The following ADCY2 variants were observed in gnomAD, a reference collection of about 807,000 sequenced individuals.
The protein encoded by ADCY2 is adenylate cyclase type 2.
Under a neutral mutation model 125.2 loss-of-function variants are expected in ADCY2, and 31 were observed. That is an observed-to-expected ratio of 0.25 (90% CI 0.19 to 0.33). The LOEUF is 0.33. ADCY2 is among the 10% of genes least tolerant of loss of function. The probability of loss-of-function intolerance (pLI) is 1.00; values close to 1 mark genes in which losing one functional copy is unlikely to be tolerated. For synonymous variants in ADCY2, 512 were observed against 548.4 expected, an observed-to-expected ratio of 0.93 and a Z score of 0.93; for missense variants, 904 against 1,418.2, an observed-to-expected ratio of 0.64 and a Z score of 5.82.
In ADCY2 at chr5:7,396,823, C is replaced by T. The variant is rs1450572247; in HGVS notation, c.210+317C>T. 6.6e-6 allele frequency among the ~76,000 whole-genome samples: 1 copy of T among 152,198 alleles called. No individual in the cohort carries two copies. Among genetic ancestry groups the T allele is most frequent in the Non-Finnish European group, 1.5e-5 (1 of 68,034 alleles). Reference sequence around the variant, plus strand: ...CACCCGCTGGCAAACTCTGCGCTTTCCGCCGGGCACCGCTGCCCGCAGCGC... The same window carrying T: ...CACCCGCTGGCAAACTCTGCGCTTTTCGCCGGGCACCGCTGCCCGCAGCGC... On this transcript the variant is annotated intron_variant, in intron 1 of 24. Coordinates refer to ENST00000338316, the MANE Select transcript of ADCY2 (RefSeq NM_020546.3). This position sits in a 1 kb window ranked among gnomAD's most constrained non-coding sequence, Gnocchi z 5.7.
At chr5:7,783,332 G>T (rs1210975417) in intron 18 of ADCY2, among the ~76,000 whole-genome samples, 1 of 152,136 alleles carries the variant, frequency 6.6e-6, no homozygotes, top group Admixed American at 6.5e-5. Context: ...TTAATGTAGT[G>T]GCTAAAACAG....
At chr5:7,449,846 A>C (rs940896520) in intron 2 of ADCY2, among the ~76,000 whole-genome samples, 3 of 152,232 alleles carry the variant, frequency 2.0e-5, no homozygotes, top group Non-Finnish European at 2.9e-5. Flanking sequence ...TCATTGTCAC[A>C]GTATTTGAAA....
intron 22 of ADCY2, among the ~76,000 whole-genome samples, chr5:7,809,437 T>C (rs748390068): frequency 1.3e-5 from 2 of 152,256 alleles, no homozygotes; most frequent in Non-Finnish European, 2.9e-5. Flanking sequence ...AAGAAATGAA[T>C]GTCACTTTTA....
At chr5:7,642,195 G>T (rs760982811) in intron 4 of ADCY2, among the ~76,000 whole-genome samples, 3 of 151,848 alleles carry the variant, frequency 2.0e-5, no homozygotes, top group Non-Finnish European at 2.9e-5. Flanking sequence ...GTGTTTTTTT[G>T]ACTGTTTTAA....
intron 23 of ADCY2, among the ~76,000 whole-genome samples, chr5:7,817,969 T>A (rs1315563726): frequency 6.6e-6 from 1 of 152,244 alleles, no homozygotes; most frequent in Non-Finnish European, 1.5e-5. Flanking sequence ...GTTGTTTTTT[T>A]AAATGTGTGT....
chr5:7,417,054 C>T (rs1449712134), intron 2 of ADCY2, among the ~76,000 whole-genome samples: 5 of 151,994 alleles, frequency 3.3e-5, no homozygotes, highest in African/African-American at 7.2e-5. Context: ...TATTTAAAGC[C>T]TAAGAATTAA....
At chr5:7,467,214 G>C (rs1199079636) in intron 2 of ADCY2, among the ~76,000 whole-genome samples, 1 of 152,130 alleles carries the variant, frequency 6.6e-6, no homozygotes, top group Non-Finnish European at 1.5e-5. Context: ...CAGCTATCTT[G>C]CCTCTTAAAA....
At chr5:7,475,342 G>A (rs1742482889) in intron 2 of ADCY2, among the ~76,000 whole-genome samples, 1 of 152,136 alleles carries the variant, frequency 6.6e-6, no homozygotes, top group Non-Finnish European at 1.5e-5. Flanking sequence ...GAAGTCAGGA[G>A]CAGGGAGAGG....
At chr5:7,708,856 A>C (rs1040362250) in intron 9 of ADCY2, among the ~76,000 whole-genome samples, 4 of 152,212 alleles carry the variant, frequency 2.6e-5, no homozygotes, top group Admixed American at 1.3e-4. Flanking sequence ...GTTTGGGGCT[A>C]TGTAGCATTA....
intron 21 of ADCY2, 99 bp from the exon 22 acceptor site, chr5:7,804,486 G>C: frequency 1.1e-6 from 1 of 927,658 alleles, no homozygotes; most frequent in Admixed American, 1.9e-5. Flanking sequence ...AACAAGTCAC[G>C]GCATTACTGT....
At chr5:7,752,855 G>A (rs968300352) in intron 15 of ADCY2, among the ~76,000 whole-genome samples, 13 of 148,642 alleles carry the variant, frequency 8.7e-5, no homozygotes, top group African/African-American at 3.2e-4. Flanking sequence ...ACACCCCACT[G>A]CTCGTTGTCC....
At chr5:7,606,577 G>A (rs1355070524) in intron 3 of ADCY2, among the ~76,000 whole-genome samples, 6 of 152,026 alleles carry the variant, frequency 3.9e-5, no homozygotes, top group Non-Finnish European at 8.8e-5. Context: ...GCTCTACCCG[G>A]GCACATTCTT....
chr5:7,814,421 C>A (rs1745041656), intron 22 of ADCY2, among the ~76,000 whole-genome samples: 1 of 151,950 alleles, frequency 6.6e-6, no homozygotes. Flanking sequence ...CCCCTGCCGT[C>A]CAGTAGGCAG....
At chr5:7,432,190 C>G (rs945424951) in intron 2 of ADCY2, among the ~76,000 whole-genome samples, 2 of 140,012 alleles carry the variant, frequency 1.4e-5, no homozygotes, top group African/African-American at 5.3e-5. Context: ...GCTCTGTCCC[C>G]TTTCAGCTCC....
intron 3 of ADCY2, among the ~76,000 whole-genome samples, chr5:7,573,103 A>G (rs1736114863): frequency 6.6e-6 from 1 of 152,176 alleles, no homozygotes; most frequent in African/African-American, 2.4e-5. Flanking sequence ...GAGAGGCCCT[A>G]GAAGAAACCA....
At chr5:7,575,153 G>T (rs1052737546) in intron 3 of ADCY2, among the ~76,000 whole-genome samples, 1 of 151,866 alleles carries the variant, frequency 6.6e-6, no homozygotes, top group African/African-American at 2.4e-5. Context: ...TAGCAAGATT[G>T]TGTCTCTCTA....
chr5:7,581,819 CAAAAAAAAAA>C (rs59841590), intron 3 of ADCY2, among the ~76,000 whole-genome samples: 1 of 123,792 alleles, frequency 8.1e-6, no homozygotes, highest in African/African-American at 3.1e-5. Flanking sequence ...GACTCAGTCT[CAAAAAAAAAA>C]AAAAAAGAAA....
At chr5:7,569,591 C>A (rs1043014724) in intron 3 of ADCY2, among the ~76,000 whole-genome samples, 2 of 152,076 alleles carry the variant, frequency 1.3e-5, no homozygotes, top group Non-Finnish European at 2.9e-5. Context: ...ATAGTTAGCT[C>A]CCTAATTTCC....
intron 2 of ADCY2, among the ~76,000 whole-genome samples, chr5:7,434,522 T>C (rs1740723307): frequency 6.6e-6 from 1 of 152,232 alleles, no homozygotes; most frequent in African/African-American, 2.4e-5. Context: ...ATGACATGGA[T>C]ACTTCTTTCC....
Sources: allele counts gnomAD v4.1 joint callset (sites outside exome capture counted in the v4.1 genomes callset), GRCh38; gene constraint gnomAD v4.1.1; non-coding constraint Gnocchi (gnomAD v3.1); transcripts MANE v1.5; gene names NCBI Gene and HGNC (gene_info 2026-07-23, HGNC 2026-07-21).